SIPA1L3: variants seen among roughly 807,000 people sequenced by gnomAD.
SIPA1L3 encodes the protein signal induced proliferation associated 1 like 3, also known as signal-induced proliferation-associated 1-like protein 3.
Under a neutral mutation model 150.1 loss-of-function variants are expected in SIPA1L3, and 59 were observed. That is an observed-to-expected ratio of 0.39 (90% CI 0.32 to 0.49). The LOEUF is 0.49. Ranked by LOEUF, SIPA1L3 falls within the 20% of genes least tolerant of loss-of-function variation. SIPA1L3 has a pLI of 0.86. For missense variants in SIPA1L3, 2,211 were observed against 2,489.5 expected (o/e 0.89, Z 2.38); for synonymous variants, 1,070 against 1,077.6 (o/e 0.99, Z 0.14).
intron 13 of SIPA1L3, among the ~76,000 whole-genome samples, chr19:38,161,517 G>A (rs980001151): frequency 2.6e-5 from 4 of 151,970 alleles, no homozygotes; most frequent in African/African-American, 9.7e-5. Flanking sequence ...GAGGTCAGGA[G>A]TTCGAGACCA....
rs112137003 is a variant in SIPA1L3, at chr19:38,119,447, C to A, written c.2433C>A (p.Asp811Glu). ...CTGAGAACGCCGCGCACAAGTCCGACAAGTTCCACACCATGGCCACCAGGA... is the reference window on the plus strand; with the variant it reads ...CTGAGAACGCCGCGCACAAGTCCGAAAAGTTCCACACCATGGCCACCAGGA... ...INAENAAHKS[D>E]KFHTMATRTR... is the part of the protein sequence containing the mutation. Residue 811 changes from aspartate (D) to glutamate (E), a missense_variant, in exon 9 of 22, where the codon GAC becomes GAA. Asp to Glu is a conservative substitution (Grantham distance 45, BLOSUM62 2). Coordinates refer to ENST00000222345, the MANE Select transcript of SIPA1L3 (RefSeq NM_015073.3). 6.2e-7 allele frequency: 1 copy of A among 1,614,178 alleles called. No homozygotes were observed. The highest frequency in any genetic ancestry group is 8.5e-7 in the Non-Finnish European group (1 of 1,180,046).
At chr19:38,197,406 C>T (rs1052813689) in intron 18 of SIPA1L3, among the ~76,000 whole-genome samples, 13 of 152,074 alleles carry the variant, frequency 8.5e-5, no homozygotes, top group African/African-American at 2.4e-4. Flanking sequence ...GTGCTGGCGC[C>T]GTTGCTTCTC....
At chr19:38,061,675 A>C (rs1969448476) in intron 2 of SIPA1L3, among the ~76,000 whole-genome samples, 1 of 152,018 alleles carries the variant, frequency 6.6e-6, no homozygotes, top group Non-Finnish European at 1.5e-5. Context: ...GGACAGGAGT[A>C]CAGAGAGATG....
At chr19:38,016,968 C>T (rs957658840) in intron 1 of SIPA1L3, among the ~76,000 whole-genome samples, 3 of 137,148 alleles carry the variant, frequency 2.2e-5, no homozygotes, top group Non-Finnish European at 4.5e-5. Context: ...GTGATCTCAG[C>T]TCACTGCAGC....
At chr19:38,058,791 G>A (rs1296910218) in intron 2 of SIPA1L3, among the ~76,000 whole-genome samples, 1 of 152,044 alleles carries the variant, frequency 6.6e-6, no homozygotes, top group Non-Finnish European at 1.5e-5. Flanking sequence ...TTGGGTGGCT[G>A]AGGCAGGTGG....
intron 1 of SIPA1L3, among the ~76,000 whole-genome samples, chr19:37,978,301 C>G (rs1014530136): frequency 5.9e-5 from 9 of 152,176 alleles, no homozygotes; most frequent in African/African-American, 2.2e-4. Context: ...GGCGGGCTCT[C>G]TAGGGGAGTT....
At chr19:38,022,455 T>C (rs996613292) in intron 1 of SIPA1L3, among the ~76,000 whole-genome samples, 6 of 143,380 alleles carry the variant, frequency 4.2e-5, no homozygotes, top group African/African-American at 1.3e-4. Context: ...ATCCCAGCAC[T>C]TTGGGAGGTC....
chr19:37,991,809 G>A (rs1248302292), intron 1 of SIPA1L3, among the ~76,000 whole-genome samples: 1 of 152,170 alleles, frequency 6.6e-6, no homozygotes, highest in Non-Finnish European at 1.5e-5. Context: ...CCGGGGTGGG[G>A]TTTGGGGCAT....
chr19:38,130,821 C>G, intron 10 of SIPA1L3, 49 bp downstream of exon 10: 1 of 1,556,384 alleles, frequency 6.4e-7, no homozygotes, highest in Middle Eastern at 1.7e-4. Context: ...GCTCCCAGAT[C>G]GCTGGCATGA....
intron 9 of SIPA1L3, among the ~76,000 whole-genome samples, chr19:38,130,061 C>T (rs1325392428): frequency 2.0e-5 from 3 of 152,180 alleles, no homozygotes; most frequent in Admixed American, 6.6e-5. Context: ...AGCAAGTCTC[C>T]GTCTCAAAAA....
At chr19:38,100,867 G>A (rs3810356) in intron 5 of SIPA1L3, among the ~76,000 whole-genome samples, 185 bp from the exon 6 acceptor site, 3 of 152,132 alleles carry the variant, frequency 2.0e-5, no homozygotes, top group Admixed American at 6.5e-5. Context: ...GTGGAAGGGA[G>A]GGGGAGGGAC....
Position 38,130,692 on chromosome 19 carries a change from C to T in SIPA1L3, c.3063C>T (p.Asp1021=), listed in dbSNP as rs1345143158. The change falls in exon 10 of 22, where the codon GAC becomes GAT. Residue 1021 remains aspartate, a synonymous_variant. Transcript: ENST00000222345. ...TGGCCGTGGTCACACTGACCCACGACCAGATGATCGACCTGCTGCGCACCT... is the reference window on the plus strand; with the variant it reads ...TGGCCGTGGTCACACTGACCCACGATCAGATGATCGACCTGCTGCGCACCT... ...CKVAVVTLTH[D]QMIDLLRTSV... is the part of the protein sequence containing the mutation. 19 of 1,613,962 alleles carry T rather than the reference C, an allele frequency of 1.2e-5. No homozygotes were observed. Among genetic ancestry groups the T allele is most frequent in the Non-Finnish European group, 1.6e-5 (19 of 1,180,046 alleles).
chr19:38,131,114 T>C (rs1408801312), intron 10 of SIPA1L3, among the ~76,000 whole-genome samples: 1 of 152,198 alleles, frequency 6.6e-6, no homozygotes, highest in Non-Finnish European at 1.5e-5. Context: ...TTGTTCAAAA[T>C]GTGTTTATTG....
rs192217513 is a variant in SIPA1L3 at position 37,994,544 on chromosome 19, A to G, written c.-378-34545A>G. ...CTGAAGGTCTGAGCACAGCCACTCT[A>G]GAGTGGAGCAGCCGCCCTGGCTGCT... On this transcript the variant is annotated intron_variant, in intron 1 of 21. Transcript: ENST00000222345. 8.5e-5 allele frequency among the ~76,000 whole-genome samples: 13 copies of G among 152,242 alleles called. No individual in the cohort carries two copies. The East Asian group carries it at 2.5e-3, about 29-fold the overall frequency.
At chr19:38,008,673 C>G (rs1028233506) in intron 1 of SIPA1L3, among the ~76,000 whole-genome samples, 2 of 152,140 alleles carry the variant, frequency 1.3e-5, no homozygotes, top group Non-Finnish European at 2.9e-5. Flanking sequence ...CCTCCTGCCT[C>G]AGCCTCTTGA....
At chr19:37,907,457 T>C (rs1248298509) in intron 1 of SIPA1L3, 99 bp downstream of exon 1, 1 of 152,176 alleles carries the variant, frequency 6.6e-6, no homozygotes, top group Non-Finnish European at 1.5e-5. Flanking sequence ...CGGCCGGGTG[T>C]GGGTACTGGC....
intron 21 of SIPA1L3, among the ~76,000 whole-genome samples, chr19:38,205,330 C>A (rs542672974): frequency 1.3e-5 from 2 of 151,626 alleles, no homozygotes; most frequent in Non-Finnish European, 2.9e-5. Context: ...TGGTGGTGCA[C>A]GCCTGTAATC....
At chr19:38,162,512 C>A in intron 14 of SIPA1L3, 141 bp downstream of exon 14, 2 of 668,596 alleles carry the variant, frequency 3.0e-6, no homozygotes, top group Non-Finnish European at 5.4e-6. Context: ...TGAGTTGGAA[C>A]CAACCAGGTT....
intron 14 of SIPA1L3, among the ~76,000 whole-genome samples, chr19:38,163,062 T>G (rs553521053): frequency 2.6e-5 from 4 of 152,192 alleles, no homozygotes; most frequent in Admixed American, 1.3e-4. Context: ...GTTCAGTGGG[T>G]GTTTGACAAG....
Sources: gnomAD v4.1 joint callset for allele counts (sites outside exome capture counted in the v4.1 genomes callset) on GRCh38, gnomAD v4.1.1 for gene constraint, MANE v1.5 for transcripts, NCBI Gene and HGNC (gene_info 2026-07-23, HGNC 2026-07-21) for gene names.